Variants in ANKIB1 observed in about 807,000 individuals in gnomAD.
The protein encoded by ANKIB1 is ankyrin repeat and IBR domain-containing protein 1.
A neutral mutation model predicts 122.1 loss-of-function variants in ANKIB1; 43 were observed. The observed-to-expected ratio is 0.35, with a 90% CI of 0.28 to 0.45. The LOEUF (loss-of-function observed/expected upper bound fraction) is 0.45. Among genes scored for constraint, ANKIB1 ranks in the 20% least tolerant of loss-of-function variants. ANKIB1 has a pLI of 1.00. For synonymous variants in ANKIB1, 390 were observed against 442.0 expected (o/e 0.88, Z 1.48); for missense variants, 992 against 1,329.5 (o/e 0.75, Z 3.95).
chr7:92,385,704 G>A (rs998485481), intron 11 of ANKIB1, among the ~76,000 whole-genome samples: 5 of 152,116 alleles, frequency 3.3e-5, no homozygotes, highest in Admixed American at 2.6e-4. Flanking sequence ...ACACAGGGCA[G>A]GGAACATCAC....
intron 11 of ANKIB1, among the ~76,000 whole-genome samples, chr7:92,372,025 A>G (rs1804274491): frequency 2.1e-5 from 3 of 145,718 alleles, no homozygotes; most frequent in Admixed American, 7.0e-5. Flanking sequence ...CAAATGATTA[A>G]CAAAGTGCTG....
Position 92,362,255 on chromosome 7 carries a change from G to T in ANKIB1, c.1468G>T (p.Glu490Ter). Residue 490 changes from glutamate to a stop codon, truncating the protein, a stop_gained, in exon 10 of 20, where the codon GAA becomes TAA. Coordinates refer to ENST00000265742, the MANE Select transcript of ANKIB1 (RefSeq NM_019004.2). LOFTEE classifies it high-confidence loss of function. Reference protein sequence around the residue: ...TWKNWLQKITEMKPEELVGVS... With the variant: ...TWKNWLQKIT ...GAAGAATTGGCTGCAAAAAATAACCGAAATGAAACCAGAAGAACGTAAGAG... is the reference window on the plus strand; with the variant it reads ...GAAGAATTGGCTGCAAAAAATAACCTAAATGAAACCAGAAGAACGTAAGAG... 1 of 1,592,216 alleles carries T rather than the reference G, an allele frequency of 6.3e-7. No individual in the cohort carries two copies. The highest frequency in any genetic ancestry group is 2.3e-5 in the East Asian group (1 of 44,212).
intron 4 of ANKIB1, among the ~76,000 whole-genome samples, chr7:92,321,974 T>C (rs1268137865): frequency 1.3e-5 from 2 of 152,164 alleles, no homozygotes; most frequent in Non-Finnish European, 2.9e-5. Flanking sequence ...CCCCACCTTT[T>C]TTTAGTGAGG....
At position 92,352,546 on chromosome 7, in the gene ANKIB1, C is replaced by T. The variant is rs747576585; in HGVS notation, c.1301C>T (p.Thr434Met). Residue 434 changes from threonine to methionine, a missense_variant, in exon 9 of 20, where the codon ACG (threonine) becomes ATG (methionine). Around this residue, in one of 4 missense-constraint regions of ANKIB1, gnomAD observed 521 missense variants for 777.7 expected, o/e 0.67. Transcript: ENST00000265742. ...GGCTGTGACAGAGCAGTAAGACTAA[C>T]GAAACAAGGGTCAAATACATCTGGA... ...TPGCDRAVRL[T>M]KQGSNTSGSD... 2.0e-5 allele frequency: 32 copies of T among 1,613,620 alleles called. No individual in the cohort carries two copies. Among genetic ancestry groups the T allele is most frequent in the Middle Eastern group, 1.6e-4 (1 of 6,082 alleles).
chr7:92,368,964 CTTTA>C (rs750069993), intron 10 of ANKIB1, among the ~76,000 whole-genome samples: 3 of 151,996 alleles, frequency 2.0e-5, no homozygotes, highest in Non-Finnish European at 4.4e-5. Context: ...TGGCTTTGTG[CTTTA>C]TTTATTATAA....
chr7:92,376,487 T>TC (rs1403649560), intron 11 of ANKIB1, among the ~76,000 whole-genome samples: 1 of 151,540 alleles, frequency 6.6e-6, no homozygotes, highest in Non-Finnish European at 1.5e-5. Context: ...CTCGCTCTTG[T>TC]CCCCCAGGCT....
chr7:92,326,911 A>G (rs1803039390), intron 4 of ANKIB1, among the ~76,000 whole-genome samples: 1 of 152,144 alleles, frequency 6.6e-6, no homozygotes, highest in Non-Finnish European at 1.5e-5. Context: ...CCTGGGCTCA[A>G]GTGATCCTCC....
At chr7:92,318,317 A>T (rs1197995540) in intron 3 of ANKIB1, among the ~76,000 whole-genome samples, 2 of 152,266 alleles carry the variant, frequency 1.3e-5, no homozygotes, top group East Asian at 3.9e-4. Context: ...GGAGTTCAAG[A>T]CTAGCCTAAG....
rs974568608 is a variant in ANKIB1 at position 92,399,155 on chromosome 7, C to A, written c.*206C>A. ...ATTTCCTTTGTACTTAATTGAATAGCTTTTCCCCTTTTTGCTGACAAAAAG... is the reference window on the plus strand; with the variant it reads ...ATTTCCTTTGTACTTAATTGAATAGATTTTCCCCTTTTTGCTGACAAAAAG... On this transcript the variant is annotated 3_prime_UTR_variant, in exon 20 of 20. Transcript: ENST00000265742. The A allele has an allele frequency of 6.9e-6, 3 of 435,850 alleles. No individual in the cohort carries two copies. Among genetic ancestry groups the A allele is most frequent in the Non-Finnish European group, 1.1e-5 (3 of 264,678 alleles). 27.0% of individuals were successfully genotyped at this position (435,850 alleles called of 1,614,324 possible).
chr7:92,353,146 G>A (rs1803700908), intron 9 of ANKIB1, among the ~76,000 whole-genome samples: 1 of 152,110 alleles, frequency 6.6e-6, no homozygotes, highest in South Asian at 2.1e-4. Flanking sequence ...TTTATCTTGG[G>A]CCCTAACAAG....
At chr7:92,336,626 G>T (rs754316138) in intron 5 of ANKIB1, among the ~76,000 whole-genome samples, 15 of 151,888 alleles carry the variant, frequency 9.9e-5, no homozygotes, top group Non-Finnish European at 1.8e-4. Flanking sequence ...TGCTTCCTGT[G>T]GCTCTCTCCT....
chr7:92,377,970 A>G (rs1331911866), intron 11 of ANKIB1, among the ~76,000 whole-genome samples: 4 of 152,184 alleles, frequency 2.6e-5, no homozygotes, highest in African/African-American at 9.7e-5. Context: ...TAAAACTTTC[A>G]AAGTATTTTT....
intron 5 of ANKIB1, among the ~76,000 whole-genome samples, chr7:92,338,922 AAAAAAAAAAAAATATAT>A (rs1403636368): frequency 1.7e-5 from 1 of 58,358 alleles, no homozygotes; most frequent in South Asian, 6.2e-4. Flanking sequence ...AAAAAAAAAA[AAAAAAAAAAAAATATAT>A]ATATATATAT....
chr7:92,288,698 A>C (rs1802187563), intron 1 of ANKIB1, among the ~76,000 whole-genome samples: 1 of 152,242 alleles, frequency 6.6e-6, no homozygotes, highest in Admixed American at 6.5e-5. Context: ...AAATGGGCGA[A>C]AGATTTATTT....
In ANKIB1 at chr7:92,344,274, G is replaced by A. The variant is rs540887295; in HGVS notation, c.997-704G>A. ...GGCTGGAGTGTAATGGCATGACCTCGGCTCCCTGCAACCTCCACCTCCCAG... is the reference window on the plus strand; with the variant it reads ...GGCTGGAGTGTAATGGCATGACCTCAGCTCCCTGCAACCTCCACCTCCCAG... On this transcript the variant is annotated intron_variant, in intron 6 of 19. Transcript: ENST00000265742. Among the ~76,000 whole-genome samples the A allele has an allele frequency of 1.1e-3, 148 of 136,340 alleles. 2 individuals are homozygous for A. The highest frequency in any genetic ancestry group is 3.9e-3 in the African/African-American group (141 of 35,850). 89.4% of individuals were successfully genotyped at this position (136,340 alleles called of 152,430 possible). A position where few individuals can be genotyped will look rare whatever the true frequency, so the allele number is the denominator to read the frequency against.
At chr7:92,370,508 CAAAAAAAAAAAAAAAAAAA>C (rs34318038) in intron 10 of ANKIB1, among the ~76,000 whole-genome samples, 2 of 32,988 alleles carry the variant, frequency 6.1e-5, no homozygotes, top group Admixed American at 9.9e-4. Context: ...ACTCTTGTCT[CAAAAAAAAAAAAAAAAAAA>C]AAAAAAAAAA....
chr7:92,327,987 A>C (rs1245417785), intron 5 of ANKIB1, 87 bp downstream of exon 5: 5 of 827,974 alleles, frequency 6.0e-6, no homozygotes, highest in Admixed American at 6.4e-5. Flanking sequence ...TTGTATTTGA[A>C]TACAGAACAA....
intron 1 of ANKIB1, among the ~76,000 whole-genome samples, chr7:92,285,576 A>C (rs1011459857): frequency 2.0e-5 from 3 of 152,230 alleles, no homozygotes; most frequent in Non-Finnish European, 4.4e-5. Context: ...CTCAGTTGTC[A>C]TTAAAAGACT....
Position 92,246,185 on chromosome 7 carries a change from G to A in ANKIB1, c.-425G>A, listed in dbSNP as rs1422597682. Reference sequence around the variant, plus strand: ...AACATGAGCCGGGCTTGACCGCGAGGCGGAGGCAAGAGCCACCGCCCCCTC... The same window carrying A: ...AACATGAGCCGGGCTTGACCGCGAGACGGAGGCAAGAGCCACCGCCCCCTC... On this transcript the variant is annotated 5_prime_UTR_variant, in exon 1 of 20. Coordinates refer to ENST00000265742, the MANE Select transcript of ANKIB1 (RefSeq NM_019004.2). 2.5e-5 allele frequency: 9 copies of A among 358,296 alleles called. No homozygotes were observed. The highest frequency in any genetic ancestry group is 4.7e-5 in the Non-Finnish European group (9 of 190,032). 22.2% of individuals were successfully genotyped at this position (358,296 alleles called of 1,614,324 possible). A position where few individuals can be genotyped will look rare whatever the true frequency, so the allele number is the denominator to read the frequency against.
Sources: allele counts gnomAD v4.1 joint callset (sites outside exome capture counted in the v4.1 genomes callset), GRCh38; gene constraint gnomAD v4.1.1; regional missense constraint gnomAD v4.1.1; transcripts MANE v1.5; gene names NCBI Gene and HGNC (gene_info 2026-07-23, HGNC 2026-07-21).